SRSF4: variants seen among roughly 807,000 people sequenced by gnomAD.
SRSF4 encodes the protein serine/arginine-rich splicing factor 4.
SRSF4 carries 12 observed loss-of-function variants against 48.8 expected under a neutral mutation model. The ratio of observed to expected loss-of-function variants is 0.25; its 90% CI spans 0.16 to 0.40. The LOEUF is 0.40. SRSF4 is among the 10% of genes least tolerant of loss of function. The pLI is 1.00. For missense variants in SRSF4, 466 were observed against 667.1 expected (o/e 0.70, Z 3.32); for synonymous variants, 248 against 232.5 (o/e 1.07, Z -0.61).
intron 1 of SRSF4, among the ~76,000 whole-genome samples, chr1:29,173,963 C>A (rs1052753996): frequency 6.6e-6 from 1 of 151,156 alleles, no homozygotes; most frequent in Non-Finnish European, 1.5e-5. Flanking sequence ...ATGAGGTGGG[C>A]GGATCACCTG....
intron 1 of SRSF4, among the ~76,000 whole-genome samples, chr1:29,168,113 CA>C (rs1672693709): frequency 1.3e-5 from 2 of 151,664 alleles, no homozygotes; most frequent in Non-Finnish European, 2.9e-5. Context: ...ACCCTGGGCT[CA>C]AGCAATTCTT....
At chr1:29,161,007 T>C (rs1017802802) in intron 1 of SRSF4, among the ~76,000 whole-genome samples, 1 of 152,226 alleles carries the variant, frequency 6.6e-6, no homozygotes, top group African/African-American at 2.4e-5. Context: ...TTCCTCTACG[T>C]AAACACATCT....
At chr1:29,176,274 C>CA (rs554961897) in intron 1 of SRSF4, among the ~76,000 whole-genome samples, 3 of 151,602 alleles carry the variant, frequency 2.0e-5, no homozygotes, top group East Asian at 1.9e-4. Context: ...AAACAAAAAA[C>CA]AAAAAAACAA....
At chr1:29,167,937 T>A (rs1055934774) in intron 1 of SRSF4, among the ~76,000 whole-genome samples, 1 of 151,786 alleles carries the variant, frequency 6.6e-6, no homozygotes, top group Non-Finnish European at 1.5e-5. Flanking sequence ...AAGGAGCTCA[T>A]GAGTGAAGGA....
chr1:29,166,683 A>C (rs2151818562), intron 1 of SRSF4: 1 of 152,328 alleles, frequency 6.6e-6, no homozygotes, highest in Admixed American at 6.5e-5. Context: ...TTAGTCTCAG[A>C]GGAGGGAGGG....
At chr1:29,153,636 T>C (rs2151813208) in intron 4 of SRSF4, among the ~76,000 whole-genome samples, 1 of 151,602 alleles carries the variant, frequency 6.6e-6, no homozygotes, top group Middle Eastern at 3.4e-3. Flanking sequence ...GTTTTGCTCT[T>C]GTTGCCCAGG....
rs1438170104 is a variant in SRSF4 at position 29,149,093 on chromosome 1, T to G, written c.802A>C (p.Lys268Gln). 11 of 1,613,906 alleles carry G rather than the reference T, an allele frequency of 6.8e-6. No homozygotes were observed. The highest frequency in any genetic ancestry group is 7.6e-6 in the Non-Finnish European group (9 of 1,180,028). ...TTCTCTTCAGCTTGGTCTTTGCTCTTGCTGCGGCTCTTGCCAGCGCTATGG... is the reference window on the plus strand; with the variant it reads ...TTCTCTTCAGCTTGGTCTTTGCTCTGGCTGCGGCTCTTGCCAGCGCTATGG... Reference protein sequence around the residue: ...RSHSAGKSRSKSKDQAEEKIQ... With the variant: ...RSHSAGKSRSQSKDQAEEKIQ... Residue 268 changes from lysine (K) to glutamine (Q), a missense_variant, in exon 6 of 6, where the codon AAG becomes CAG. By Grantham distance (53) the Lys-to-Gln change is moderately conservative. This residue lies in a region of SRSF4 where 402 missense variants were observed against 437.0 expected (regional missense o/e 0.92). Transcript: ENST00000373795.
intron 1 of SRSF4, among the ~76,000 whole-genome samples, chr1:29,168,074 G>A (rs754138570): frequency 1.9e-4 from 29 of 150,806 alleles, no homozygotes; most frequent in South Asian, 6.3e-4. Context: ...GCAGCGCAGC[G>A]GCGCGATCTC....
intron 4 of SRSF4, among the ~76,000 whole-genome samples, chr1:29,150,817 C>A (rs1483762054): frequency 1.3e-5 from 2 of 152,178 alleles, no homozygotes; most frequent in Non-Finnish European, 2.9e-5. Flanking sequence ...CGTCTTTCCC[C>A]TATCCCCTTA....
intron 3 of SRSF4, among the ~76,000 whole-genome samples, chr1:29,156,802 G>T (rs992271372): frequency 6.6e-6 from 1 of 152,366 alleles, no homozygotes; most frequent in South Asian, 2.1e-4. Context: ...TGAGAAGAGA[G>T]AGGTTAAGAG....
chr1:29,157,152 T>C (rs1048784722), intron 3 of SRSF4, among the ~76,000 whole-genome samples: 1 of 152,082 alleles, frequency 6.6e-6, no homozygotes, highest in South Asian at 2.1e-4. Context: ...ACAGTGTTTA[T>C]GGATAAGAGA....
intron 1 of SRSF4, among the ~76,000 whole-genome samples, chr1:29,162,625 C>T (rs757274209): frequency 9.9e-5 from 15 of 152,154 alleles, no homozygotes; most frequent in Admixed American, 2.6e-4. Context: ...TGACGCCATG[C>T]GGAGGGAGGA....
At chr1:29,173,018 A>G (rs950688136) in intron 1 of SRSF4, 3 of 152,214 alleles carry the variant, frequency 2.0e-5, no homozygotes, top group Non-Finnish European at 2.9e-5. Context: ...AATTGCACGT[A>G]AAACCTCACC....
At chr1:29,152,932 A>G (rs1444805158) in intron 4 of SRSF4, among the ~76,000 whole-genome samples, 1 of 151,498 alleles carries the variant, frequency 6.6e-6, no homozygotes, top group East Asian at 1.9e-4. Flanking sequence ...CAAAAAAAAA[A>G]AAAGAAAGAA....
At chr1:29,161,603 A>C (rs1242503070) in intron 1 of SRSF4, among the ~76,000 whole-genome samples, 1 of 152,144 alleles carries the variant, frequency 6.6e-6, no homozygotes, top group Admixed American at 6.6e-5. Flanking sequence ...TTATTTATTT[A>C]TTTATTTTAT....
At chr1:29,181,191 C>A (rs1672949592) in intron 1 of SRSF4, among the ~76,000 whole-genome samples, 1 of 152,196 alleles carries the variant, frequency 6.6e-6, no homozygotes, top group African/African-American at 2.4e-5. Context: ...GGGAAGACGG[C>A]GCTGTGACCG....
chr1:29,164,079 G>C (rs1672635819), intron 1 of SRSF4, among the ~76,000 whole-genome samples: 1 of 152,152 alleles, frequency 6.6e-6, no homozygotes, highest in Admixed American at 6.6e-5. Flanking sequence ...TTGAACTCCT[G>C]GGATCAAGGG....
chr1:29,154,915 A>C lies in SRSF4; in HGVS notation c.364-5T>G. On this transcript the variant is annotated splice_region_variant and splice_polypyrimidine_tract_variant and intron_variant, in intron 3 of 5. Transcript: ENST00000373795. ...TCCTGCCTGACGCATATAATCCTGA[A>C]GAAAAAAAAAAGTGTGACTACATTA... 6.2e-7 allele frequency: 1 copy of C among 1,607,942 alleles called. No homozygotes were observed. The highest frequency in any genetic ancestry group is 8.5e-7 in the Non-Finnish European group (1 of 1,178,108).
At chr1:29,152,053 G>A (rs1275371826) in intron 4 of SRSF4, among the ~76,000 whole-genome samples, 1 of 152,094 alleles carries the variant, frequency 6.6e-6, no homozygotes, top group African/African-American at 2.4e-5. Context: ...TGAGGTGGGA[G>A]GACCGCTTGA....
Sources: allele counts gnomAD v4.1 joint callset (sites outside exome capture counted in the v4.1 genomes callset), GRCh38; gene constraint gnomAD v4.1.1; regional missense constraint gnomAD v4.1.1; transcripts MANE v1.5; gene names NCBI Gene and HGNC (gene_info 2026-07-23, HGNC 2026-07-21).